The following PDE1C variants were observed in gnomAD, a reference collection of about 807,000 sequenced individuals.
PDE1C encodes phosphodiesterase 1C.
PDE1C carries 62 observed loss-of-function variants against 93.1 expected under a neutral mutation model. The observed-to-expected ratio is 0.67, with a 90% CI of 0.54 to 0.82. PDE1C has a LOEUF of 0.82. PDE1C is among the 40% of genes least tolerant of loss of function. The pLI, the probability that PDE1C is intolerant of heterozygous loss-of-function variation, is 0.00. For missense variants in PDE1C, 742 were observed against 884.6 expected (o/e 0.84, Z 2.04); for synonymous variants, 325 against 310.1 (o/e 1.05, Z -0.50).
At chr7:31,880,504 T>G (rs770079815) in intron 3 of PDE1C, among the ~76,000 whole-genome samples, 1 of 152,214 alleles carries the variant, frequency 6.6e-6, no homozygotes. Context: ...TCCTCTTTCA[T>G]GATCTCACTT....
intron 1 of PDE1C, among the ~76,000 whole-genome samples, chr7:32,332,264 T>A (rs1301235788): frequency 2.6e-5 from 4 of 151,946 alleles, no homozygotes; most frequent in African/African-American, 9.7e-5. Flanking sequence ...CAATTGCCAA[T>A]AAACATATGA....
intron 1 of PDE1C, among the ~76,000 whole-genome samples, chr7:32,264,537 T>C (rs1162572460): frequency 1.3e-5 from 2 of 152,232 alleles, no homozygotes; most frequent in African/African-American, 4.8e-5. Flanking sequence ...CTCTCCAAAA[T>C]GGATCCAAGT....
chr7:32,133,418 T>G (rs1359096069), intron 3 of PDE1C, among the ~76,000 whole-genome samples: 3 of 152,074 alleles, frequency 2.0e-5, no homozygotes, highest in African/African-American at 7.2e-5. Flanking sequence ...GATGTCATAG[T>G]GGTAGGGAAG....
the PDE1C span, among the ~76,000 whole-genome samples, chr7:31,731,821 G>A: frequency 6.6e-6 from 1 of 152,262 alleles, no homozygotes; most frequent in Non-Finnish European, 1.5e-5. Context: ...CTGGCAGAGG[G>A]AGAGGACAGG....
chr7:32,204,725 C>T (rs190832058), intron 2 of PDE1C, among the ~76,000 whole-genome samples: 4 of 152,276 alleles, frequency 2.6e-5, no homozygotes, highest in Admixed American at 2.6e-4. Flanking sequence ...CCTATTATCC[C>T]CATTCAGACC....
At chr7:31,688,237 T>C in the PDE1C span, among the ~76,000 whole-genome samples, 1 of 152,172 alleles carries the variant, frequency 6.6e-6, no homozygotes, top group African/African-American at 2.4e-5. Flanking sequence ...TTAACAGATT[T>C]GAAAACTAAA....
At chr7:32,227,399 C>G (rs1807373312) in intron 1 of PDE1C, among the ~76,000 whole-genome samples, 1 of 152,168 alleles carries the variant, frequency 6.6e-6, no homozygotes, top group Admixed American at 6.5e-5. Context: ...CTTTCTGGCT[C>G]TTATGAAAAC....
intron 2 of PDE1C, among the ~76,000 whole-genome samples, chr7:32,201,472 C>T (rs1805008473): frequency 1.3e-5 from 2 of 152,170 alleles, no homozygotes; most frequent in Non-Finnish European, 2.9e-5. Flanking sequence ...AATAGGGGTA[C>T]AGCATTCCCA....
At chr7:32,128,769 T>C (rs1240716306) in intron 3 of PDE1C, among the ~76,000 whole-genome samples, 3 of 151,274 alleles carry the variant, frequency 2.0e-5, no homozygotes, top group Non-Finnish European at 4.4e-5. Context: ...AGGTCTTTGA[T>C]AAGGTAATTA....
rs545656583 is a variant in PDE1C at position 32,052,947 on chromosome 7, A to C, written c.102-1367T>G. On this transcript the variant is annotated intron_variant, in intron 1 of 17. Coordinates refer to ENST00000396191, the MANE Select transcript of PDE1C (RefSeq NM_001191057.4). ...TAAAGAGTGAGCATTATAACAGAAAAAAATATTAAAATATGGATACACCTA... is the reference window on the plus strand; with the variant it reads ...TAAAGAGTGAGCATTATAACAGAAACAAATATTAAAATATGGATACACCTA... 3.9e-5 allele frequency among the ~76,000 whole-genome samples: 6 copies of C among 152,356 alleles called. No individual in the cohort carries two copies. In the East Asian group the frequency reaches 1.2e-3, roughly 29 times the overall value.
At chr7:32,319,874 T>TCC (rs373306771) in intron 1 of PDE1C, among the ~76,000 whole-genome samples, 20 of 152,348 alleles carry the variant, frequency 1.3e-4, no homozygotes, top group Middle Eastern at 6.8e-3. Flanking sequence ...AAAAGTATTT[T>TCC]CCCTCTGTTT....
At chr7:31,805,095 T>C (rs779917231) in intron 16 of PDE1C, among the ~76,000 whole-genome samples, 9 of 151,770 alleles carry the variant, frequency 5.9e-5, no homozygotes, top group Non-Finnish European at 8.8e-5. Context: ...CACACTTTCT[T>C]GTCTGCCACC....
At position 31,837,299 on chromosome 7, in the gene PDE1C, T is replaced by C. The variant is rs1791238111; in HGVS notation, c.1084A>G (p.Ile362Val). 6.2e-7 allele frequency: 1 copy of C among 1,607,258 alleles called. No homozygotes were observed. Among genetic ancestry groups the C allele is most frequent in the Non-Finnish European group, 8.5e-7 (1 of 1,176,368 alleles). The part of the protein sequence containing the change: ...MKTALQQPEA[I>V]EKPKALSLML... ...AGGGATAAGGCTTTTGGCTTTTCAATGCTGTAAACCAAAAGCACCCAAACA... is the reference window on the plus strand; with the variant it reads ...AGGGATAAGGCTTTTGGCTTTTCAACGCTGTAAACCAAAAGCACCCAAACA... The change falls in exon 11 of 18, where the codon ATT (isoleucine) becomes GTT (valine). Residue 362 changes from isoleucine to valine, a missense_variant and splice_region_variant. Ile to Val is a conservative substitution (Grantham distance 29). This residue lies in a region of PDE1C where 454 missense variants were observed against 459.4 expected (regional missense o/e 0.99). Coordinates refer to ENST00000396191, the MANE Select transcript of PDE1C (RefSeq NM_001191057.4).
At chr7:32,200,349 T>C (rs926886342) in intron 2 of PDE1C, among the ~76,000 whole-genome samples, 60 of 152,350 alleles carry the variant, frequency 3.9e-4, no homozygotes, top group African/African-American at 1.4e-3. Flanking sequence ...CCAGAACTAA[T>C]GTTTGTTAAT....
At chr7:32,298,007 TCTCTCTCTCCC>T in intron 1 of PDE1C, among the ~76,000 whole-genome samples, 2 of 45,780 alleles carry the variant, frequency 4.4e-5, no homozygotes, top group East Asian at 2.4e-3. Context: ...CCTCTCTCTC[TCTCTCTCTCCC>T]TCTCTCTCTC....
intron 1 of PDE1C, among the ~76,000 whole-genome samples, chr7:32,275,827 G>T: frequency 6.6e-6 from 1 of 152,146 alleles, no homozygotes; most frequent in East Asian, 1.9e-4. Flanking sequence ...TGAATCACTT[G>T]TTCTTCTGTT....
At chr7:32,177,019 A>C (rs1248925326) in intron 2 of PDE1C, among the ~76,000 whole-genome samples, 1 of 152,244 alleles carries the variant, frequency 6.6e-6, no homozygotes, top group African/African-American at 2.4e-5. Context: ...TTTTTCAAAA[A>C]GTAAAAAAAC....
intron 1 of PDE1C, among the ~76,000 whole-genome samples, chr7:32,407,837 A>C (rs112535661): frequency 1.4e-4 from 21 of 152,240 alleles, no homozygotes; most frequent in African/African-American, 5.1e-4. Context: ...ATCCCAGGCC[A>C]CCACCAAGCC....
chr7:32,096,840 TAGATAGATAGATAGATAGATAGAC>T (rs1797776213), intron 3 of PDE1C, among the ~76,000 whole-genome samples: 1 of 150,748 alleles, frequency 6.6e-6, no homozygotes, highest in African/African-American at 2.4e-5. Context: ...GATAGATAGA[TAGATAGATAGATAGATAGATAGAC>T]AGACAGATCA....
Sources: gnomAD v4.1 joint callset for allele counts (sites outside exome capture counted in the v4.1 genomes callset) on GRCh38, gnomAD v4.1.1 for gene constraint, gnomAD v4.1.1 regional missense constraint, MANE v1.5 for transcripts, NCBI Gene and HGNC (gene_info 2026-07-23, HGNC 2026-07-21) for gene names.